SEMA6D: variants seen among roughly 807,000 people sequenced by gnomAD.
The protein encoded by SEMA6D is semaphorin 6D, also known as semaphorin-6D.
SEMA6D carries 35 observed loss-of-function variants against 106.6 expected under a neutral mutation model. The ratio of observed to expected loss-of-function variants is 0.33; its 90% CI spans 0.25 to 0.44. The LOEUF (loss-of-function observed/expected upper bound fraction) is 0.44. Among genes scored for constraint, SEMA6D ranks in the 20% least tolerant of loss-of-function variants. The pLI is 1.00. For synonymous variants in SEMA6D, 499 were observed against 487.7 expected (o/e 1.02, Z -0.31); for missense variants, 1,185 against 1,345.9 (o/e 0.88, Z 1.87).
chr15:47,225,485 C>T (rs186888868), intron 1 of SEMA6D, among the ~76,000 whole-genome samples: 105 of 142,348 alleles, frequency 7.4e-4, no homozygotes, highest in African/African-American at 2.6e-3. Flanking sequence ...GTCTTTGGCC[C>T]GTTTTTTAAT....
intron 3 of SEMA6D, among the ~76,000 whole-genome samples, chr15:47,472,628 C>T (rs2042885002): frequency 1.3e-5 from 2 of 151,992 alleles, no homozygotes; most frequent in Non-Finnish European, 2.9e-5. Context: ...TTAATTTCTT[C>T]TGAGCTTTAG....
chr15:47,367,692 G>GCACA (rs72057750), intron 1 of SEMA6D, among the ~76,000 whole-genome samples: 1,171 of 73,444 alleles, frequency 0.016, 11 homozygotes, highest in Middle Eastern at 0.072. Context: ...GCGCGCGCGC[G>GCACA]CACACACACA....
chr15:47,244,798 G>C (rs1315277775), intron 1 of SEMA6D, among the ~76,000 whole-genome samples: 1 of 152,198 alleles, frequency 6.6e-6, no homozygotes, highest in Admixed American at 6.5e-5. Context: ...TCTATCACCA[G>C]ATAGTGAGAA....
At chr15:47,468,169 G>A (rs1221262444) in intron 2 of SEMA6D, among the ~76,000 whole-genome samples, 1 of 152,032 alleles carries the variant, frequency 6.6e-6, no homozygotes, top group East Asian at 1.9e-4. Context: ...GTTACTGTGT[G>A]TTTGTGTGCG....
chr15:47,335,364 A>C (rs919334867), intron 1 of SEMA6D, among the ~76,000 whole-genome samples: 2 of 152,038 alleles, frequency 1.3e-5, no homozygotes, highest in East Asian at 3.9e-4. Context: ...GATACAAAAG[A>C]GTTTGTTCCC....
intron 3 of SEMA6D, among the ~76,000 whole-genome samples, chr15:47,570,167 G>T (rs527339834): frequency 1.3e-4 from 19 of 151,876 alleles, no homozygotes; most frequent in Admixed American, 2.6e-4. Flanking sequence ...AAAAAATTTC[G>T]AAATCTGACT....
At chr15:47,674,031 G>A (rs1244267986) in intron 4 of SEMA6D, among the ~76,000 whole-genome samples, 4 of 151,866 alleles carry the variant, frequency 2.6e-5, no homozygotes, top group South Asian at 2.1e-4. Flanking sequence ...TGTTGTCCCC[G>A]GACACTCTCT....
intron 9 of SEMA6D, 107 bp downstream of exon 9, chr15:47,763,211 C>T (rs987445207): frequency 2.5e-6 from 2 of 801,168 alleles, no homozygotes; most frequent in African/African-American, 1.8e-5. Flanking sequence ...GCTCTCAATT[C>T]AGTATACATA....
At chr15:47,470,022 A>G (rs1255881491) in intron 2 of SEMA6D, among the ~76,000 whole-genome samples, 1 of 152,218 alleles carries the variant, frequency 6.6e-6, no homozygotes, top group Non-Finnish European at 1.5e-5. Flanking sequence ...TGCAATGAAA[A>G]AAAAAACCCT....
intron 3 of SEMA6D, among the ~76,000 whole-genome samples, chr15:47,503,805 C>T (rs908779245): frequency 2.0e-5 from 3 of 152,146 alleles, no homozygotes; most frequent in African/African-American, 7.2e-5. Context: ...TCCATTTCTT[C>T]CCACACTCGG....
At chr15:47,282,006 C>T (rs1040020847) in intron 1 of SEMA6D, among the ~76,000 whole-genome samples, 5 of 152,106 alleles carry the variant, frequency 3.3e-5, no homozygotes, top group Non-Finnish European at 5.9e-5. Flanking sequence ...ATCCTTCCTC[C>T]ATTACAATAC....
intron 4 of SEMA6D, among the ~76,000 whole-genome samples, chr15:47,700,687 G>A (rs2078792349): frequency 6.6e-6 from 1 of 152,148 alleles, no homozygotes; most frequent in African/African-American, 2.4e-5. Flanking sequence ...GTATTTGGGA[G>A]GCTGAGACAG....
At chr15:47,570,126 CT>C (rs2046342190) in intron 3 of SEMA6D, among the ~76,000 whole-genome samples, 1 of 152,002 alleles carries the variant, frequency 6.6e-6, no homozygotes, top group Non-Finnish European at 1.5e-5. Flanking sequence ...ATTTGGTTTT[CT>C]TTTCACTGTG....
intron 2 of SEMA6D, among the ~76,000 whole-genome samples, chr15:47,449,534 C>G (rs1166611016): frequency 6.6e-6 from 1 of 152,022 alleles, no homozygotes; most frequent in Non-Finnish European, 1.5e-5. Flanking sequence ...TGACCCAGTT[C>G]ATATCAATTG....
chr15:47,538,639 A>G lies in SEMA6D; in HGVS notation c.-86-62226A>G, dbSNP rs74011502. Among the ~76,000 whole-genome samples the G allele has an allele frequency of 3.4e-3, 520 of 152,328 alleles. 3 individuals are homozygous for G. Among genetic ancestry groups the G allele is most frequent in the African/African-American group, 0.012 (505 of 41,574 alleles). ...TGGCTATTGATACATATTATAGTAC[A>G]TGACAGAGTGTGGTTGTTTGAAACA... On this transcript the variant is annotated intron_variant, in intron 3 of 19. Coordinates refer to the SEMA6D transcript ENST00000558014.
chr15:47,615,250 G>T (rs2076986181), intron 4 of SEMA6D, among the ~76,000 whole-genome samples: 1 of 152,154 alleles, frequency 6.6e-6, no homozygotes, highest in African/African-American at 2.4e-5. Flanking sequence ...CATTTACATT[G>T]TATTAGGCAT....
intron 4 of SEMA6D, among the ~76,000 whole-genome samples, chr15:47,676,015 G>A (rs1349715788): frequency 6.6e-6 from 1 of 152,068 alleles, no homozygotes; most frequent in Non-Finnish European, 1.5e-5. Context: ...TCTATTTGGG[G>A]CTCTGGCTCC....
At chr15:47,319,025 CT>C (rs200778206) in intron 1 of SEMA6D, among the ~76,000 whole-genome samples, 2 of 152,044 alleles carry the variant, frequency 1.3e-5, no homozygotes, top group South Asian at 4.2e-4. Context: ...CTTTTCTTTT[CT>C]TTTTTTTCAG....
intron 3 of SEMA6D, among the ~76,000 whole-genome samples, chr15:47,505,131 T>C (rs977361494): frequency 4.6e-5 from 7 of 151,968 alleles, no homozygotes; most frequent in African/African-American, 1.7e-4. Flanking sequence ...GATCTGTGGT[T>C]TTGGGGCCCC....
Sources: allele counts gnomAD v4.1 joint callset (sites outside exome capture counted in the v4.1 genomes callset), GRCh38; gene constraint gnomAD v4.1.1; transcripts MANE v1.5; gene names NCBI Gene and HGNC (gene_info 2026-07-23, HGNC 2026-07-21).